The following BCL7A variants were observed in gnomAD, a reference collection of about 807,000 sequenced individuals.
BCL7A encodes the protein B-cell CLL/lymphoma 7 protein family member A.
A neutral mutation model predicts 28.4 loss-of-function variants in BCL7A; 11 were observed. The observed-to-expected ratio is 0.39, with a 90% CI of 0.24 to 0.64. The LOEUF (loss-of-function observed/expected upper bound fraction) is 0.64. Among genes scored for constraint, BCL7A ranks in the 30% least tolerant of loss-of-function variants. The pLI is 0.50. For synonymous variants in BCL7A, 123 were observed against 103.3 expected (o/e 1.19, Z -1.15); for missense variants, 222 against 274.8 (o/e 0.81, Z 1.36).
At chr12:122,028,226 A>G (rs1346361176) in intron 1 of BCL7A, among the ~76,000 whole-genome samples, 1 of 152,138 alleles carries the variant, frequency 6.6e-6, no homozygotes, top group Non-Finnish European at 1.5e-5. Context: ...CTCGGTGAAG[A>G]GGTTGCCAGT....
intron 1 of BCL7A, among the ~76,000 whole-genome samples, chr12:122,027,123 C>T (rs1883646702): frequency 6.6e-6 from 1 of 152,180 alleles, no homozygotes; most frequent in African/African-American, 2.4e-5. Flanking sequence ...GGGATTTCTG[C>T]ACCTGGTGCT....
At chr12:122,042,316 A>G (rs187510063) in intron 3 of BCL7A, among the ~76,000 whole-genome samples, 12 of 152,244 alleles carry the variant, frequency 7.9e-5, no homozygotes, top group African/African-American at 1.9e-4. Context: ...TATTTTTTCA[A>G]TGTGTTAGAT....
rs1320759673 is a variant in BCL7A at position 122,029,672 on chromosome 12, A to G, written c.93-1028A>G. 6.6e-6 allele frequency among the ~76,000 whole-genome samples: 1 copy of G among 152,172 alleles called. No individual in the cohort carries two copies. Among genetic ancestry groups the G allele is most frequent in the African/African-American group, 2.4e-5 (1 of 41,444 alleles). On this transcript the variant is annotated intron_variant, in intron 1 of 5. Transcript: ENST00000261822. This position sits in a 1 kb window ranked among gnomAD's most constrained non-coding sequence, Gnocchi z 4.3. ...ATCAGTGGCTCCTTGGTGGCCTCGC[A>G]GGTCTCCTGATCTGGCAGAGTCTTG...
intron 4 of BCL7A, among the ~76,000 whole-genome samples, chr12:122,053,554 T>TAAA (rs1179789215): frequency 2.0e-5 from 3 of 152,164 alleles, no homozygotes; most frequent in Non-Finnish European, 4.4e-5. Flanking sequence ...CGTGTGTGCT[T>TAAA]TTTAACATCA....
At chr12:122,030,350 G>A (rs1446835595) in intron 1 of BCL7A, among the ~76,000 whole-genome samples, 3 of 152,252 alleles carry the variant, frequency 2.0e-5, no homozygotes, top group Non-Finnish European at 4.4e-5. Flanking sequence ...CTGCTGCCCA[G>A]ACAGGCGCGG....
rs1193946490 is a variant in BCL7A at position 122,035,188 on chromosome 12, G to C, written c.175-143G>C. 5 of 672,932 alleles carry C rather than the reference G, an allele frequency of 7.4e-6. No individual in the cohort carries two copies. The Admixed American group carries it at 1.4e-4, about 19-fold the overall frequency. The allele number at this position is 672,932 out of a possible 1,614,324, so 41.7% of individuals were successfully genotyped here. The stretch of plus-strand genomic sequence containing the variant: ...CCCTAATAGGACGTGTTCAAATGTG[G>C]GCCCAGGAAAACCTCCAGAGGCCTG... On this transcript the variant is annotated intron_variant, in intron 2 of 5. Transcript: ENST00000261822.
At chr12:122,040,739 G>A (rs1883949325) in intron 3 of BCL7A, among the ~76,000 whole-genome samples, 1 of 152,046 alleles carries the variant, frequency 6.6e-6, no homozygotes, top group South Asian at 2.1e-4. Context: ...GGCCGGGCAA[G>A]TTTTCTGGAA....
chr12:122,047,854 C>G (rs528300108), intron 4 of BCL7A, among the ~76,000 whole-genome samples: 1 of 147,574 alleles, frequency 6.8e-6, no homozygotes, highest in South Asian at 2.1e-4. Flanking sequence ...ATTTCTCTAT[C>G]AGAAGTGGAG....
At chr12:122,034,096 G>A (rs1048875335) in intron 2 of BCL7A, among the ~76,000 whole-genome samples, 1 of 148,984 alleles carries the variant, frequency 6.7e-6, no homozygotes, top group African/African-American at 2.5e-5. Context: ...TCGCAAACAT[G>A]CATGTAAATA....
At chr12:122,027,612 T>C (rs1593022303) in intron 1 of BCL7A, among the ~76,000 whole-genome samples, 1 of 151,610 alleles carries the variant, frequency 6.6e-6, no homozygotes, top group African/African-American at 2.4e-5. Flanking sequence ...CCAAGGCGGG[T>C]GGGTCACCTG....
chr12:122,026,150 C>T (rs917946949), intron 1 of BCL7A, among the ~76,000 whole-genome samples: 2 of 151,198 alleles, frequency 1.3e-5, no homozygotes, highest in African/African-American at 4.9e-5. Flanking sequence ...GCCTATAGTC[C>T]CACCTACTTG....
chr12:122,024,231 T>C (rs1187899000), intron 1 of BCL7A, among the ~76,000 whole-genome samples: 2 of 152,230 alleles, frequency 1.3e-5, no homozygotes, highest in Admixed American at 6.5e-5. Flanking sequence ...TGGGATCTCA[T>C]GGTCCAGCTT....
chr12:122,046,191 T>C lies in BCL7A; in HGVS notation c.439+2138T>C, dbSNP rs1048929891. The stretch of plus-strand genomic sequence containing the variant: ...ATTTTGAAGGTGAGGGGAGAGCCTG[T>C]GTTGGGCAGTACATAGGGGTGAGTG... On this transcript the variant is annotated intron_variant, in intron 4 of 5. Transcript: ENST00000261822. Among the ~76,000 whole-genome samples the C allele has an allele frequency of 6.6e-5, 10 of 151,528 alleles. No individual in the cohort carries two copies. The South Asian group carries it at 1.7e-3, about 26-fold the overall frequency.
chr12:122,027,797 A>G lies in BCL7A; in HGVS notation c.93-2903A>G, dbSNP rs568435657. Among the ~76,000 whole-genome samples the G allele has an allele frequency of 4.0e-3, 554 of 138,794 alleles. 2 individuals are homozygous for G. Among genetic ancestry groups the G allele is most frequent in the Non-Finnish European group, 6.8e-3 (430 of 62,892 alleles). The allele number at this position is 138,794 out of a possible 152,430, so 91.1% of individuals were successfully genotyped here. A position where few individuals can be genotyped will look rare whatever the true frequency, so the allele number is the denominator to read the frequency against. Reference sequence around the variant, plus strand: ...GGTTGCAGTGAGCCGAGATTGTGCCACTGCACTCCAGCCTGGGCCACAGAG... The same window carrying G: ...GGTTGCAGTGAGCCGAGATTGTGCCGCTGCACTCCAGCCTGGGCCACAGAG... On this transcript the variant is annotated intron_variant, in intron 1 of 5. Coordinates refer to ENST00000261822, the MANE Select transcript of BCL7A (RefSeq NM_001024808.3).
chr12:122,024,297 G>T (rs2135836006), intron 1 of BCL7A, among the ~76,000 whole-genome samples: 1 of 152,292 alleles, frequency 6.6e-6, no homozygotes, highest in Admixed American at 6.5e-5. Flanking sequence ...CTCTAACCAT[G>T]GTGACCCGGG....
At chr12:122,034,190 CATATATAT>C (rs55770934) in intron 2 of BCL7A, among the ~76,000 whole-genome samples, 1,914 of 95,764 alleles carry the variant, frequency 0.02, 26 homozygotes, top group Admixed American at 0.035. Context: ...CTGCATCTTT[CATATATAT>C]ATATATATAT....
At position 122,059,105 on chromosome 12, in the gene BCL7A, T is replaced by C; in HGVS notation, c.575T>C (p.Val192Ala). 1 of 1,610,476 alleles carries C rather than the reference T, an allele frequency of 6.2e-7. No individual in the cohort carries two copies. Among genetic ancestry groups the C allele is most frequent in the Non-Finnish European group, 8.5e-7 (1 of 1,176,754 alleles). ...CCTCTCCCCAAGGATTTGGAAGGAG[T>C]GCCACCCTCTAAAAAGATGAAACTG... ...TSAISQDLEG[V>A]PPSKKMKLEA... Residue 192 changes from valine (V) to alanine (A), a missense_variant, in exon 6 of 6, where the codon GTG becomes GCG. By Grantham distance (64) the Val-to-Ala change is moderately conservative (BLOSUM62 0). Transcript: ENST00000261822. This position sits in a 1 kb window ranked among gnomAD's most constrained non-coding sequence, Gnocchi z 4.0.
At chr12:122,024,473 T>TTG (rs1883569779) in intron 1 of BCL7A, among the ~76,000 whole-genome samples, 2 of 151,020 alleles carry the variant, frequency 1.3e-5, no homozygotes, top group Non-Finnish European at 2.9e-5. Context: ...TTTTTTTTTT[T>TTG]TTTTGGCCCC....
chr12:122,034,087 C>T (rs118005540), intron 2 of BCL7A, among the ~76,000 whole-genome samples: 6,505 of 149,794 alleles, frequency 0.043, 229 homozygotes, highest in Non-Finnish European at 0.067. Flanking sequence ...AGACTTCGCT[C>T]GCAAACATGC....
Sources: gnomAD v4.1 joint callset for allele counts (sites outside exome capture counted in the v4.1 genomes callset) on GRCh38, gnomAD v4.1.1 for gene constraint, Gnocchi (gnomAD v3.1) non-coding constraint, MANE v1.5 for transcripts, NCBI Gene and HGNC (gene_info 2026-07-23, HGNC 2026-07-21) for gene names.